FBN2: variants seen among roughly 807,000 people sequenced by gnomAD.
FBN2 encodes the protein fibrillin-2.
A neutral mutation model predicts 355.6 loss-of-function variants in FBN2; 105 were observed. That is an observed-to-expected ratio of 0.30 (90% confidence interval 0.25 to 0.35). FBN2 has a LOEUF of 0.35. Among genes scored for constraint, FBN2 ranks in the 10% least tolerant of loss-of-function variants. The pLI, the probability that FBN2 is intolerant of heterozygous loss-of-function variation, is 1.00. For missense variants in FBN2, 3,280 were observed against 3,758.7 expected (o/e 0.87, Z 3.33); for synonymous variants, 1,350 against 1,301.2 (o/e 1.04, Z -0.81).
In FBN2 at chr5:128,263,604, G is replaced by A; in HGVS notation, c.8013C>T (p.Asn2671=). 6.2e-7 allele frequency: 1 copy of A among 1,614,140 alleles called. No individual in the cohort carries two copies. Among genetic ancestry groups the A allele is most frequent in the Middle Eastern group, 1.6e-4 (1 of 6,062 alleles). ...PNACGSASCY[N]TLGSYKCACP... ...AGGCGCACTTGTAACTCCCCAGGGT[G>A]TTGTAGCAGGAAGCAGAGCCACAGG... Residue 2671 remains asparagine (N), a synonymous_variant, in exon 63 of 65, where the codon AAC becomes AAT. Coordinates refer to ENST00000262464, the MANE Select transcript of FBN2 (RefSeq NM_001999.4).
At chr5:128,296,856 T>C (rs1749534115) in intron 48 of FBN2, among the ~76,000 whole-genome samples, 1 of 151,606 alleles carries the variant, frequency 6.6e-6, no homozygotes. Flanking sequence ...GCTCTGATTT[T>C]AGTTATTTCT....
At chr5:128,490,921 G>A (rs1415766425) in intron 5 of FBN2, among the ~76,000 whole-genome samples, 9 of 152,136 alleles carry the variant, frequency 5.9e-5, no homozygotes, top group Admixed American at 5.2e-4. Context: ...AGAATTTTTG[G>A]AATGCATTTT....
At chr5:128,373,854 T>C (rs1418079048) in intron 15 of FBN2, among the ~76,000 whole-genome samples, 3 of 152,190 alleles carry the variant, frequency 2.0e-5, no homozygotes, top group Admixed American at 6.5e-5. Flanking sequence ...CTGAATGGCT[T>C]AGAATAAAAT....
intron 24 of FBN2, among the ~76,000 whole-genome samples, chr5:128,344,889 C>T (rs1277050523): frequency 7.9e-5 from 12 of 151,320 alleles, no homozygotes; most frequent in Admixed American, 5.9e-4. Flanking sequence ...TTAGTAGAGA[C>T]GGGGTTTCAC....
At chr5:128,413,462 T>A (rs1263627285) in intron 7 of FBN2, among the ~76,000 whole-genome samples, 1 of 152,108 alleles carries the variant, frequency 6.6e-6, no homozygotes, top group African/African-American at 2.4e-5. Context: ...AGAGAAAGAC[T>A]GGGAAGTCTT....
At chr5:128,447,783 G>A (rs977054437) in intron 6 of FBN2, among the ~76,000 whole-genome samples, 1 of 152,166 alleles carries the variant, frequency 6.6e-6, no homozygotes, top group Non-Finnish European at 1.5e-5. Flanking sequence ...GCCGACATGT[G>A]ATGTCTCCCC....
chr5:128,451,464 A>G (rs1234016232), intron 6 of FBN2, among the ~76,000 whole-genome samples: 1 of 152,078 alleles, frequency 6.6e-6, no homozygotes, highest in African/African-American at 2.4e-5. Flanking sequence ...CAATGGTGCG[A>G]TCTCGGCTCC....
At chr5:128,447,344 AG>A (rs1754093843) in intron 6 of FBN2, among the ~76,000 whole-genome samples, 1 of 152,212 alleles carries the variant, frequency 6.6e-6, no homozygotes, top group African/African-American at 2.4e-5. Context: ...AGCAAGAAAC[AG>A]CCCTGAGAAA....
chr5:128,389,009 A>C (rs1271261582), intron 11 of FBN2, among the ~76,000 whole-genome samples: 1 of 152,134 alleles, frequency 6.6e-6, no homozygotes, highest in South Asian at 2.1e-4. Context: ...ACATAATCTC[A>C]TATTTCTCAG....
Position 128,523,680 on chromosome 5 carries a change from T to G in FBN2, c.532+4192A>C, listed in dbSNP as rs533430168. 3.9e-5 allele frequency among the ~76,000 whole-genome samples: 6 copies of G among 152,080 alleles called. No individual in the cohort carries two copies. In the East Asian group the frequency reaches 1.2e-3, roughly 29 times the overall value. ...CCCCACCACTCCTTACCCAACCCAC[T>G]CCCTATACAGTATTTCCCGTATCTG... On this transcript the variant is annotated intron_variant, in intron 4 of 64. Transcript: ENST00000262464.
At position 128,357,262 on chromosome 5, in the gene FBN2, T is replaced by C. The variant is rs1404786657; in HGVS notation, c.2674+14A>G. Reference sequence around the variant, plus strand: ...CAGTGAAATTGAAGCATCAGTATTGTGTATGAATCTTACCAATACAGATCA... The same window carrying C: ...CAGTGAAATTGAAGCATCAGTATTGCGTATGAATCTTACCAATACAGATCA... On this transcript the variant is annotated intron_variant, in intron 20 of 64. Transcript: ENST00000262464. 6.2e-7 allele frequency: 1 copy of C among 1,613,684 alleles called. No homozygotes were observed. Among genetic ancestry groups the C allele is most frequent in the Non-Finnish European group, 8.5e-7 (1 of 1,179,600 alleles).
chr5:128,328,489 T>C, intron 34 of FBN2: 1 of 663,430 alleles, frequency 1.5e-6, no homozygotes. Context: ...AACTACTGGC[T>C]CTTGGCCAGG....
chr5:128,332,039 A>C (rs1750707233), intron 32 of FBN2, among the ~76,000 whole-genome samples: 1 of 152,188 alleles, frequency 6.6e-6, no homozygotes, highest in Non-Finnish European at 1.5e-5. Context: ...GTTATTTGGA[A>C]GCTCTGATAC....
chr5:128,458,282 T>C (rs1254619689), intron 6 of FBN2, among the ~76,000 whole-genome samples: 6 of 150,310 alleles, frequency 4.0e-5, no homozygotes, highest in African/African-American at 9.7e-5. Flanking sequence ...TTCTGTTGAA[T>C]TCATAAAAGC....
At chr5:128,520,135 C>A (rs190239500) in intron 4 of FBN2, among the ~76,000 whole-genome samples, 2 of 152,118 alleles carry the variant, frequency 1.3e-5, no homozygotes, top group Non-Finnish European at 1.5e-5. Context: ...GCTCCTTTAG[C>A]CTTGTGACCT....
At chr5:128,391,573 G>A (rs996540081) in intron 11 of FBN2, among the ~76,000 whole-genome samples, 1 of 152,042 alleles carries the variant, frequency 6.6e-6, no homozygotes, top group Non-Finnish European at 1.5e-5. Flanking sequence ...GATAACCAAT[G>A]ATTTTAAGAG....
At chr5:128,360,048 C>A (rs1289802032) in intron 19 of FBN2, among the ~76,000 whole-genome samples, 1 of 152,122 alleles carries the variant, frequency 6.6e-6, no homozygotes, top group African/African-American at 2.4e-5. Flanking sequence ...ATCAAGATGA[C>A]GTCCTACCCT....
At chr5:128,529,074 TA>T (rs1047509851) in intron 3 of FBN2, among the ~76,000 whole-genome samples, 4 of 152,238 alleles carry the variant, frequency 2.6e-5, no homozygotes, top group Non-Finnish European at 1.5e-5. Flanking sequence ...TGGTCAGCAA[TA>T]AATTCAGTTT....
chr5:128,511,631 C>A (rs1435307412), intron 5 of FBN2, among the ~76,000 whole-genome samples: 1 of 152,202 alleles, frequency 6.6e-6, no homozygotes, highest in East Asian at 1.9e-4. Context: ...TACAGCCAAG[C>A]AAATACACAG....
Sources: allele counts gnomAD v4.1 joint callset (sites outside exome capture counted in the v4.1 genomes callset), GRCh38; gene constraint gnomAD v4.1.1; transcripts MANE v1.5; gene names NCBI Gene and HGNC (gene_info 2026-07-23, HGNC 2026-07-21).